The following CCDC18 variants were observed in gnomAD, a reference collection of about 807,000 sequenced individuals.
CCDC18 encodes the protein coiled-coil domain-containing protein 18.
A neutral mutation model predicts 196.0 loss-of-function variants in CCDC18; 157 were observed. That is an observed-to-expected ratio of 0.80 (90% CI 0.70 to 0.91). The LOEUF (loss-of-function observed/expected upper bound fraction) is 0.91. CCDC18 is among the 40% of genes least tolerant of loss of function. The probability of loss-of-function intolerance (pLI) is 0.00; values close to 1 mark genes in which losing one functional copy is unlikely to be tolerated. For synonymous variants in CCDC18, 482 were observed against 529.2 expected, an observed-to-expected ratio of 0.91 and a Z score of 1.22; for missense variants, 1,465 against 1,611.6, an observed-to-expected ratio of 0.91 and a Z score of 1.56.
intron 26 of CCDC18, among the ~76,000 whole-genome samples, chr1:93,260,105 C>T (rs1303364405): frequency 1.3e-5 from 2 of 152,178 alleles, no homozygotes; most frequent in African/African-American, 2.4e-5. Flanking sequence ...ACACGCCAGC[C>T]GGGCGCAGTG....
At position 93,264,762 on chromosome 1, in the gene CCDC18, CTG is replaced by C. The variant is rs1190235593; in HGVS notation, c.3748_3749del (p.Val1250SerfsTer31). The C allele has an allele frequency of 6.2e-7, 1 of 1,613,096 alleles. No homozygotes were observed. Among genetic ancestry groups the C allele is most frequent in the African/African-American group, 1.3e-5 (1 of 74,860 alleles). ...ATTTCTGCTGACTCTCAAAAGTCTT[CTG>C]TTCAGCAACTAAACGAACAGTTAGA... On this transcript the variant is annotated frameshift_variant, in exon 27 of 29. Transcript: ENST00000690025. LOFTEE classifies it high-confidence loss of function.
At chr1:93,196,176 A>T (rs1652686467) in intron 6 of CCDC18, among the ~76,000 whole-genome samples, 1 of 152,130 alleles carries the variant, frequency 6.6e-6, no homozygotes, top group Non-Finnish European at 1.5e-5. Flanking sequence ...TATAAAAATT[A>T]GCCTGGTGTG....
At chr1:93,188,339 C>T (rs1651081530) in intron 4 of CCDC18, among the ~76,000 whole-genome samples, 1 of 152,208 alleles carries the variant, frequency 6.6e-6, no homozygotes, top group Non-Finnish European at 1.5e-5. Context: ...TTGCCCTCTA[C>T]ACCTGCTGTC....
intron 6 of CCDC18, among the ~76,000 whole-genome samples, chr1:93,194,236 A>G (rs918664604): frequency 2.6e-5 from 4 of 152,184 alleles, no homozygotes; most frequent in East Asian, 1.9e-4. Context: ...TGTATAAATT[A>G]TATCTTGAGA....
chr1:93,181,159 T>TTAAAAAAAAAAAA (rs777168910), intron 1 of CCDC18, among the ~76,000 whole-genome samples: 1 of 89,858 alleles, frequency 1.1e-5, no homozygotes, highest in African/African-American at 4.3e-5. Context: ...TCTATAAAAT[T>TTAAAAAAAAAAAA]AAAAAAAAAA....
intron 7 of CCDC18, among the ~76,000 whole-genome samples, 200 bp downstream of exon 7, chr1:93,202,188 T>G (rs550195548): frequency 1.9e-3 from 283 of 152,302 alleles, no homozygotes; most frequent in African/African-American, 6.7e-3. Flanking sequence ...GAAACTTTTT[T>G]ATCCAAAGAG....
At chr1:93,188,131 C>A (rs1246732600) in intron 4 of CCDC18, among the ~76,000 whole-genome samples, 1 of 152,222 alleles carries the variant, frequency 6.6e-6, no homozygotes, top group Non-Finnish European at 1.5e-5. Context: ...TTGTATTTCT[C>A]AGCTCAGCAT....
intron 19 of CCDC18, among the ~76,000 whole-genome samples, chr1:93,238,684 AT>A (rs1660369395): frequency 1.3e-5 from 2 of 152,266 alleles, no homozygotes; most frequent in Non-Finnish European, 1.5e-5. Context: ...TAGTATGTTG[AT>A]TTGTCTGTAG....
Position 93,270,622 on chromosome 1 carries a change from A to G in CCDC18, c.4161A>G (p.Ser1387=), listed in dbSNP as rs1408852176. 6 of 1,550,348 alleles carry G rather than the reference A, an allele frequency of 3.9e-6. No homozygotes were observed. The highest frequency in any genetic ancestry group is 2.7e-5 in the African/African-American group (2 of 73,056). The part of the protein sequence containing the change: ...DLKKMQLEQP[S]TLEESHKNLT... ...AGAAAATGCAATTAGAACAGCCTTC[A>G]ACATTAGAAGAAAGCCATAAGAATC... Residue 1387 remains serine, a synonymous_variant, in exon 28 of 29, where the codon TCA becomes TCG. Transcript: ENST00000690025.
intron 11 of CCDC18, 24 bp from the exon 12 acceptor site, chr1:93,214,719 C>G: frequency 6.5e-7 from 1 of 1,546,418 alleles, no homozygotes; most frequent in Middle Eastern, 2.3e-4. Flanking sequence ...CTATTCAGAA[C>G]AATTTTCCTT....
intron 28 of CCDC18, chr1:93,273,580 C>A (rs1665474666): frequency 6.6e-6 from 1 of 152,200 alleles, no homozygotes; most frequent in African/African-American, 2.4e-5. Context: ...CATCTGGCAT[C>A]ATTTGTTTCT....
chr1:93,207,343 T>C lies in CCDC18; in HGVS notation c.1154T>C (p.Ile385Thr). ...CGACTAGATTTATGTCAACAAGAAA[T>C]TGAAAGTTCAAGGGTAGAACTAAGA... is the stretch of plus-strand genomic sequence containing the variant. ...NERLDLCQQE[I>T]ESSRVELRSL... The change falls in exon 9 of 29, where the codon ATT becomes ACT. Residue 385 changes from isoleucine to threonine, a missense_variant. Transcript: ENST00000690025. 6.2e-7 allele frequency: 1 copy of C among 1,612,684 alleles called. No homozygotes were observed. The highest frequency in any genetic ancestry group is 8.5e-7 in the Non-Finnish European group (1 of 1,179,224).
rs983266196 is a variant in CCDC18 at position 93,214,818 on chromosome 1, G to A, written c.1571G>A (p.Gly524Glu). The change falls in exon 12 of 29, where the codon GGA (glycine) becomes GAA (glutamate). Residue 524 changes from glycine to glutamate, a missense_variant. Gly to Glu is a moderately conservative substitution (Grantham distance 98). Coordinates refer to ENST00000690025, the MANE Select transcript of CCDC18 (RefSeq NM_001378204.1). Reference sequence around the variant, plus strand: ...AAAGAGAGGCAAAGACTTGTTACTGGAATAGAAGAACTACGTACTAAGCTG... The same window carrying A: ...AAAGAGAGGCAAAGACTTGTTACTGAAATAGAAGAACTACGTACTAAGCTG... ...YEKERQRLVT[G>E]IEELRTKLIQ... The A allele has an allele frequency of 3.7e-6, 6 of 1,613,482 alleles. No individual in the cohort carries two copies. Among genetic ancestry groups the A allele is most frequent in the Non-Finnish European group, 3.4e-6 (4 of 1,179,694 alleles).
chr1:93,253,388 T>G (rs1238371557), intron 23 of CCDC18, among the ~76,000 whole-genome samples: 1 of 152,076 alleles, frequency 6.6e-6, no homozygotes, highest in Non-Finnish European at 1.5e-5. Context: ...AGAGCCTATC[T>G]CATTATTTCA....
intron 16 of CCDC18, 104 bp downstream of exon 16, chr1:93,222,040 A>T: frequency 5.8e-6 from 4 of 693,024 alleles, no homozygotes. Flanking sequence ...CATGATGATA[A>T]CTCACTGCAA....
At chr1:93,189,430 A>T (rs1651331228) in intron 4 of CCDC18, among the ~76,000 whole-genome samples, 1 of 152,222 alleles carries the variant, frequency 6.6e-6, no homozygotes. Flanking sequence ...TGCAACAAAC[A>T]TGGAAGTGCA....
intron 21 of CCDC18, among the ~76,000 whole-genome samples, chr1:93,241,735 A>AAT (rs1302530964): frequency 3.0e-4 from 46 of 151,590 alleles, no homozygotes; most frequent in African/African-American, 9.7e-4. Context: ...AAAAAAAAAA[A>AAT]AAAAAAAAAA....
intron 16 of CCDC18, 33 bp from the exon 17 acceptor site, chr1:93,226,300 T>A: frequency 4.5e-6 from 2 of 442,622 alleles, no homozygotes; most frequent in Non-Finnish European, 7.0e-6. Flanking sequence ...CGTTTTGTGT[T>A]TTTTTTTTTT....
chr1:93,222,972 A>G (rs1272530645), intron 16 of CCDC18, among the ~76,000 whole-genome samples: 1 of 152,152 alleles, frequency 6.6e-6, no homozygotes, highest in African/African-American at 2.4e-5. Flanking sequence ...CCATGTAGAC[A>G]TGTGTTTATT....
Sources: allele counts gnomAD v4.1 joint callset (sites outside exome capture counted in the v4.1 genomes callset), GRCh38; gene constraint gnomAD v4.1.1; transcripts MANE v1.5; gene names NCBI Gene and HGNC (gene_info 2026-07-23, HGNC 2026-07-21).